BLMH: variants seen among roughly 807,000 people sequenced by gnomAD.
BLMH encodes BLM hydrolase.
Under a neutral mutation model 61.6 loss-of-function variants are expected in BLMH, and 32 were observed. The ratio of observed to expected loss-of-function variants is 0.52; its 90% CI spans 0.39 to 0.70. BLMH has a LOEUF of 0.70. Ranked by LOEUF, BLMH falls within the 30% of genes least tolerant of loss-of-function variation. The pLI is 0.00. For missense variants in BLMH, 460 were observed against 555.5 expected (o/e 0.83, Z 1.73); for synonymous variants, 183 against 193.8 (o/e 0.94, Z 0.46).
At chr17:30,286,969 T>G (rs955149657) in intron 4 of BLMH, 67 bp from the exon 5 acceptor site, 1 of 1,030,254 alleles carries the variant, frequency 9.7e-7, no homozygotes, top group Non-Finnish European at 1.5e-6. Flanking sequence ...AAATAGTGAT[T>G]GTTTCAAAAA....
chr17:30,253,801 A>C (rs1274199703), intron 11 of BLMH, among the ~76,000 whole-genome samples: 1 of 152,244 alleles, frequency 6.6e-6, no homozygotes, highest in Non-Finnish European at 1.5e-5. Flanking sequence ...TTTAAACTTT[A>C]ATGTCTTGTT....
chr17:30,256,488 C>A (rs1448770173), intron 11 of BLMH, among the ~76,000 whole-genome samples: 1 of 151,978 alleles, frequency 6.6e-6, no homozygotes, highest in Non-Finnish European at 1.5e-5. Context: ...ACCACCATGC[C>A]CAGCTAATTT....
chr17:30,291,844 A>AAT lies in BLMH; in HGVS notation c.-26_-25insAT, dbSNP rs1908904045. 7.5e-7 allele frequency: 1 copy of AAT among 1,339,582 alleles called. No homozygotes were observed. The highest frequency in any genetic ancestry group is 2.2e-5 in the South Asian group (1 of 44,674). The allele number at this position is 1,339,582 out of a possible 1,614,324, so 83.0% of individuals were successfully genotyped here. A position where few individuals can be genotyped will look rare whatever the true frequency, so the allele number is the denominator to read the frequency against. The stretch of plus-strand genomic sequence containing the variant: ...TGGCGCCCACGCTGCCCGGCGGGGT[A>AAT]ACGGTAGCTTCCAGGGTCCTTGGGC... On this transcript the variant is annotated 5_prime_UTR_variant, in exon 1 of 12. Coordinates refer to ENST00000261714, the MANE Select transcript of BLMH (RefSeq NM_000386.4).
rs1908702180 is a variant in BLMH, at chr17:30,285,486, A to T, written c.553-6T>A. ...CGTATACAGAATTCTCTCATCTATG[A>T]CAGAAACTTATTCAGCACTCCAACA... On this transcript the variant is annotated splice_region_variant and splice_polypyrimidine_tract_variant and intron_variant, in intron 5 of 11. Coordinates refer to ENST00000261714, the MANE Select transcript of BLMH (RefSeq NM_000386.4). 2.5e-6 allele frequency: 4 copies of T among 1,602,286 alleles called. No individual in the cohort carries two copies. Among genetic ancestry groups the T allele is most frequent in the Non-Finnish European group, 2.6e-6 (3 of 1,173,748 alleles).
intron 4 of BLMH, among the ~76,000 whole-genome samples, chr17:30,287,159 C>T (rs910867143): frequency 1.3e-5 from 2 of 152,020 alleles, no homozygotes; most frequent in South Asian, 2.1e-4. Flanking sequence ...TCCTGAGTAG[C>T]GGCAACTATG....
chr17:30,253,674 G>GAAAAAAGA (rs1173932129), intron 11 of BLMH, among the ~76,000 whole-genome samples: 2 of 151,966 alleles, frequency 1.3e-5, no homozygotes, highest in African/African-American at 4.8e-5. Context: ...GCATTCCAAG[G>GAAAAAAGA]AAAAAAGAAA....
chr17:30,263,986 A>G (rs1328639894), intron 11 of BLMH, among the ~76,000 whole-genome samples: 1 of 152,202 alleles, frequency 6.6e-6, no homozygotes, highest in Non-Finnish European at 1.5e-5. Flanking sequence ...CCTGCCAGCC[A>G]ATGTCCACTA....
rs148527364 is a variant in BLMH at position 30,283,969 on chromosome 17, A to G, written c.645+1419T>C. ...ACTATGCCTTGCATGCTTACATTTA[A>G]TCCTTGATTCCCCAAAAATCCAATA... On this transcript the variant is annotated intron_variant, in intron 6 of 11. Transcript: ENST00000261714. Among the ~76,000 whole-genome samples the G allele has an allele frequency of 5.2e-3, 799 of 152,240 alleles. 11 individuals are homozygous for G. Among genetic ancestry groups the G allele is most frequent in the African/African-American group, 0.018 (734 of 41,546 alleles).
At chr17:30,270,430 A>C (rs907955148) in intron 10 of BLMH, among the ~76,000 whole-genome samples, 1 of 149,380 alleles carries the variant, frequency 6.7e-6, no homozygotes, top group Admixed American at 6.8e-5. Context: ...TGAGCCCCAG[A>C]GGTGGAGGTT....
At chr17:30,258,989 T>C (rs1907888437) in intron 11 of BLMH, among the ~76,000 whole-genome samples, 1 of 151,994 alleles carries the variant, frequency 6.6e-6, no homozygotes, top group Non-Finnish European at 1.5e-5. Context: ...CTCTCCCTTT[T>C]CAGAAAAAAA....
At position 30,248,843 on chromosome 17, in the gene BLMH, A is replaced by T; in HGVS notation, c.*174T>A. On this transcript the variant is annotated 3_prime_UTR_variant, in exon 12 of 12. Transcript: ENST00000261714. ...CCCCTCTTTTTTTTCCTTTAACAGT[A>T]TTCTGTTTCAGCATAAAGCACACTT... 1.4e-6 allele frequency: 1 copy of T among 723,594 alleles called. No homozygotes were observed. Among genetic ancestry groups the T allele is most frequent in the Non-Finnish European group, 2.2e-6 (1 of 445,908 alleles). The allele number at this position is 723,594 out of a possible 1,614,324, so 44.8% of individuals were successfully genotyped here. A position where few individuals can be genotyped will look rare whatever the true frequency, so the allele number is the denominator to read the frequency against.
intron 2 of BLMH, among the ~76,000 whole-genome samples, 157 bp from the exon 3 acceptor site, chr17:30,289,639 G>GT (rs1908829799): frequency 6.6e-6 from 1 of 152,188 alleles, no homozygotes; most frequent in East Asian, 1.9e-4. Context: ...AAGAAAGGTG[G>GT]TAATTATTAT....
chr17:30,291,896 C>A lies in BLMH; in HGVS notation c.-77G>T. On this transcript the variant is annotated 5_prime_UTR_variant, in exon 1 of 12. Transcript: ENST00000261714. ...AGCGCCGGGATTGCGCTGCGGCTCGCTGCCTAGGGGGCCCGACCTGTCTCT... is the reference window on the plus strand; with the variant it reads ...AGCGCCGGGATTGCGCTGCGGCTCGATGCCTAGGGGGCCCGACCTGTCTCT... The A allele has an allele frequency of 7.9e-7, 1 of 1,269,270 alleles. No individual in the cohort carries two copies. The highest frequency in any genetic ancestry group is 9.9e-7 in the Non-Finnish European group (1 of 1,007,796). 78.6% of individuals were successfully genotyped at this position (1,269,270 alleles called of 1,614,324 possible).
At chr17:30,272,049 C>A (rs1250839403) in intron 9 of BLMH, among the ~76,000 whole-genome samples, 9 of 151,980 alleles carry the variant, frequency 5.9e-5, no homozygotes, top group African/African-American at 2.2e-4. Context: ...ATAAGTAACC[C>A]TAAAATAGAG....
At position 30,278,687 on chromosome 17, in the gene BLMH, G is replaced by A. The variant is rs149508089; in HGVS notation, c.646-4490C>T. ...GTGACTTTTTTTGTGGGGGGGAGCG[G>A]GGGACAGAGCCTCACTCTGTCACCC... On this transcript the variant is annotated intron_variant, in intron 6 of 11. Transcript: ENST00000261714. Among the ~76,000 whole-genome samples, 26 of 152,196 alleles carry A rather than the reference G, an allele frequency of 1.7e-4. No homozygotes were observed. The East Asian group carries it at 3.7e-3, about 22-fold the overall frequency.
chr17:30,285,472 T>C lies in BLMH; in HGVS notation c.561A>G (p.Glu187=), dbSNP rs1372554007. 6.2e-7 allele frequency: 1 copy of C among 1,608,594 alleles called. No individual in the cohort carries two copies. Among genetic ancestry groups the C allele is most frequent in the East Asian group, 2.2e-5 (1 of 44,772 alleles). The change falls in exon 6 of 12, where the codon GAA becomes GAG. Residue 187 remains glutamate (E), a synonymous_variant. Transcript: ENST00000261714. ...MNDILNHKMR[E]FCIRLRNLVH... is the part of the protein sequence containing the mutation. ...CCAGGTTCCGCAGTCGTATACAGAATTCTCTCATCTATGACAGAAACTTAT... is the reference window on the plus strand; with the variant it reads ...CCAGGTTCCGCAGTCGTATACAGAACTCTCTCATCTATGACAGAAACTTAT...
In BLMH at chr17:30,285,399, T is replaced by C. The variant is rs752875189; in HGVS notation, c.634A>G (p.Met212Val). The C allele has an allele frequency of 6.2e-7, 1 of 1,610,814 alleles. No individual in the cohort carries two copies. The highest frequency in any genetic ancestry group is 1.1e-5 in the South Asian group (1 of 90,300). Residue 212 changes from methionine to valine, a missense_variant, in exon 6 of 12, where the codon ATG becomes GTG. Around this residue, in one of 5 missense-constraint regions of BLMH, gnomAD observed 310 missense variants for 371.1 expected, o/e 0.84. Transcript: ENST00000261714. The stretch of plus-strand genomic sequence containing the variant: ...AATTTTGTTATTACCTCCTCCATCA[T>C]GACGTCCTGTGTGGCCGAGATTTCT... The part of the protein sequence containing the change: ...KGEISATQDV[M>V]MEEIFRVVCI...
In BLMH at chr17:30,291,296, A is replaced by C. The variant is rs559942037; in HGVS notation, c.211+15T>G. On this transcript the variant is annotated intron_variant, in intron 2 of 11. Transcript: ENST00000261714. ...GGAAGGTCAAGGAACGTATGGGAGAAGTGGAAGCCCACACCTGAGCTCTTC... is the reference window on the plus strand; with the variant it reads ...GGAAGGTCAAGGAACGTATGGGAGACGTGGAAGCCCACACCTGAGCTCTTC... 2 of 1,604,008 alleles carry C rather than the reference A, an allele frequency of 1.2e-6. No individual in the cohort carries two copies. The highest frequency in any genetic ancestry group is 1.1e-5 in the South Asian group (1 of 90,930).
chr17:30,291,664 C>T (rs1908895339), intron 1 of BLMH, 143 bp downstream of exon 1: 2 of 1,368,280 alleles, frequency 1.5e-6, no homozygotes, highest in African/African-American at 2.9e-5. Flanking sequence ...GAGCTGTCTC[C>T]CTCCAGGCCG....
Sources: allele counts gnomAD v4.1 joint callset (sites outside exome capture counted in the v4.1 genomes callset), GRCh38; gene constraint gnomAD v4.1.1; regional missense constraint gnomAD v4.1.1; transcripts MANE v1.5; gene names NCBI Gene and HGNC (gene_info 2026-07-23, HGNC 2026-07-21).